CALB1: variants seen among roughly 807,000 people sequenced by gnomAD.
The protein encoded by CALB1 is calbindin 1, also known as calbindin.
In CALB1, 16 loss-of-function variants were observed where a neutral mutation model predicts 46.7. The ratio of observed to expected loss-of-function variants is 0.34; its 90% CI spans 0.23 to 0.52. CALB1 has a LOEUF of 0.52. CALB1 is among the 20% of genes least tolerant of loss of function. The probability of loss-of-function intolerance (pLI) is 0.95; values close to 1 mark genes in which losing one functional copy is unlikely to be tolerated. For missense variants in CALB1, 224 were observed against 300.3 expected (o/e 0.75, Z 1.88); for synonymous variants, 90 against 112.8 (o/e 0.80, Z 1.28).
chr8:90,059,465 T>A lies in CALB1; in HGVS notation c.*708A>T, dbSNP rs1382591730. On this transcript the variant is annotated 3_prime_UTR_variant, in exon 11 of 11. Coordinates refer to ENST00000265431, the MANE Select transcript of CALB1 (RefSeq NM_004929.4). ...AATAATTTGCAACACATGAAAACAGTTTAGAAAATGGATTTAGGTCATATT... is the reference window on the plus strand; with the variant it reads ...AATAATTTGCAACACATGAAAACAGATTAGAAAATGGATTTAGGTCATATT... 1 of 152,380 alleles carries A rather than the reference T, an allele frequency of 6.6e-6. No homozygotes were observed. Among genetic ancestry groups the A allele is most frequent in the African/African-American group, 2.4e-5 (1 of 41,380 alleles). The allele number at this position is 152,380 out of a possible 1,614,324, so 9.4% of individuals were successfully genotyped here.
At chr8:90,071,983 G>A (rs985924976) in intron 3 of CALB1, among the ~76,000 whole-genome samples, 2 of 152,096 alleles carry the variant, frequency 1.3e-5, no homozygotes, top group African/African-American at 4.8e-5. Context: ...TGAAATAAAT[G>A]CTTGCGGATT....
chr8:90,078,617 TATTAGTTCCAAA>T lies in CALB1; in HGVS notation c.157-182_157-171del, dbSNP rs565048961. Reference sequence around the variant, plus strand: ...AAAGGCATAACTGATACACAGTATTTATTAGTTCCAAATGAAAGAGTTGTAATCATGATTATT... The same window carrying T: ...AAAGGCATAACTGATACACAGTATTTTGAAAGAGTTGTAATCATGATTATT... On this transcript the variant is annotated intron_variant, in intron 2 of 10. Coordinates refer to ENST00000265431, the MANE Select transcript of CALB1 (RefSeq NM_004929.4). Among the ~76,000 whole-genome samples the T allele has an allele frequency of 1.3e-3, 194 of 152,168 alleles. 1 individual carries two copies. The highest frequency in any genetic ancestry group is 2.4e-3 in the Admixed American group (36 of 15,288).
At chr8:90,069,775 G>A (rs186350642) in intron 3 of CALB1, among the ~76,000 whole-genome samples, 28 of 152,212 alleles carry the variant, frequency 1.8e-4, no homozygotes, top group Admixed American at 7.8e-4. Flanking sequence ...AAAGACAATC[G>A]TAAGGCAATG....
chr8:90,065,504 A>G (rs1465506602), intron 6 of CALB1, among the ~76,000 whole-genome samples: 1 of 151,794 alleles, frequency 6.6e-6, no homozygotes, highest in Non-Finnish European at 1.5e-5. Context: ...CTATGATAAA[A>G]ATGGATTTAG....
At position 90,059,497 on chromosome 8, in the gene CALB1, C is replaced by CAGTA. The variant is rs988539487; in HGVS notation, c.*672_*675dup. The CAGTA allele has an allele frequency of 6.6e-6, 1 of 152,312 alleles. No individual in the cohort carries two copies. The highest frequency in any genetic ancestry group is 2.4e-5 in the African/African-American group (1 of 41,416). 9.4% of individuals were successfully genotyped at this position (152,312 alleles called of 1,614,324 possible). On this transcript the variant is annotated 3_prime_UTR_variant, in exon 11 of 11. Coordinates refer to ENST00000265431, the MANE Select transcript of CALB1 (RefSeq NM_004929.4). ...AATGGATTTAGGTCATATTCTCTGA[C>CAGTA]AGTAAGTTTGTTGGAAATACAGGCA...
intron 6 of CALB1, chr8:90,064,244 A>G (rs1814349962): frequency 6.6e-6 from 1 of 151,808 alleles, no homozygotes. Flanking sequence ...TAAGAAGGAA[A>G]GGAAGGGCAT....
At position 90,069,233 on chromosome 8, in the gene CALB1, G is replaced by A. The variant is rs974251139; in HGVS notation, c.236C>T (p.Ala79Val). Residue 79 changes from alanine to valine, a missense_variant, in exon 4 of 11, where the codon GCT (alanine) becomes GTT (valine). By Grantham distance (64) the Ala-to-Val change is moderately conservative. Coordinates refer to ENST00000265431, the MANE Select transcript of CALB1 (RefSeq NM_004929.4). ...DDGKIGIVEL[A>V]HVLPTEENFL... ...ATTCTCTTCTGTGGGTAATACGTGA[G>A]CCAACTGGAAAAGATTTAAGAAGAG... The A allele has an allele frequency of 2.5e-6, 4 of 1,612,646 alleles. No homozygotes were observed. Among genetic ancestry groups the A allele is most frequent in the African/African-American group, 2.7e-5 (2 of 74,866 alleles).
Position 90,068,234 on chromosome 8 carries a change from A to C in CALB1, c.372+764T>G, listed in dbSNP as rs566081842. ...CTGAGAGGAAGGATTTATTACACTC[A>C]TTTTAAAGATTAAAGAAAATTGGAA... On this transcript the variant is annotated intron_variant, in intron 5 of 10. Coordinates refer to ENST00000265431, the MANE Select transcript of CALB1 (RefSeq NM_004929.4). Among the ~76,000 whole-genome samples, 6 of 152,326 alleles carry C rather than the reference A, an allele frequency of 3.9e-5. No homozygotes were observed. The East Asian group carries it at 1.2e-3, about 29-fold the overall frequency.
intron 3 of CALB1, among the ~76,000 whole-genome samples, chr8:90,075,630 A>G (rs1275249613): frequency 6.6e-6 from 1 of 152,186 alleles, no homozygotes; most frequent in Non-Finnish European, 1.5e-5. Context: ...AGTAGAGAGC[A>G]AAATATAAGT....
chr8:90,081,631 G>T (rs1346793009), intron 2 of CALB1: 1 of 178,908 alleles, frequency 5.6e-6, no homozygotes, highest in Non-Finnish European at 1.1e-5. Flanking sequence ...ATCCGCTAAA[G>T]AATCTCATGC....
At chr8:90,065,162 A>G (rs1009434468) in intron 6 of CALB1, among the ~76,000 whole-genome samples, 4 of 151,792 alleles carry the variant, frequency 2.6e-5, no homozygotes, top group African/African-American at 9.7e-5. Context: ...CAAAATGAGC[A>G]AACTTCGTCC....
Position 90,059,288 on chromosome 8 carries a change from A to G in CALB1, c.*885T>C, listed in dbSNP as rs1025708251. On this transcript the variant is annotated 3_prime_UTR_variant, in exon 11 of 11. Transcript: ENST00000265431. ...AGAGTTGTTATAGCTAGAAAAAAAT[A>G]TTTTCAGAGGCAGCAGATACCCTTG... 2 of 152,578 alleles carry G rather than the reference A, an allele frequency of 1.3e-5. No individual in the cohort carries two copies. The highest frequency in any genetic ancestry group is 4.8e-5 in the African/African-American group (2 of 41,442). The allele number at this position is 152,578 out of a possible 1,614,324, so 9.5% of individuals were successfully genotyped here. A position where few individuals can be genotyped will look rare whatever the true frequency, so the allele number is the denominator to read the frequency against.
chr8:90,069,722 C>T (rs1377190419), intron 3 of CALB1, among the ~76,000 whole-genome samples: 1 of 152,018 alleles, frequency 6.6e-6, no homozygotes, highest in East Asian at 1.9e-4. Flanking sequence ...TATTCCCAAG[C>T]CCGAGGAGAA....
Position 90,060,206 on chromosome 8 carries a change from A to T in CALB1, c.753T>A (p.Asp251Glu). 1 of 1,613,676 alleles carries T rather than the reference A, an allele frequency of 6.2e-7. No homozygotes were observed. The highest frequency in any genetic ancestry group is 2.2e-5 in the East Asian group (1 of 44,852). The change falls in exon 11 of 11, where the codon GAT (aspartate) becomes GAA (glutamate). Residue 251 changes from aspartate to glutamate, a missense_variant. Transcript: ENST00000265431. ...LSDGGKLYRT[D>E]LALILCAGDN is the part of the protein sequence containing the mutation. ...CCCCAGCACAGAGAATAAGAGCAAG[A>T]TCCGTTCGGTACAGCTTCCCTCCAT...
At chr8:90,081,885 G>GT in intron 2 of CALB1, 141 bp downstream of exon 2, 2 of 575,224 alleles carry the variant, frequency 3.5e-6, no homozygotes, top group East Asian at 3.5e-5. Context: ...TTGGAAAAGT[G>GT]TTTTTTCTTG....
intron 5 of CALB1, among the ~76,000 whole-genome samples, chr8:90,067,908 T>C (rs1472473005): frequency 2.6e-5 from 4 of 152,216 alleles, no homozygotes; most frequent in African/African-American, 9.6e-5. Context: ...TGATAATACC[T>C]GCCTTGCATA....
At chr8:90,070,865 T>TGA (rs1814502273) in intron 3 of CALB1, among the ~76,000 whole-genome samples, 1 of 94,150 alleles carries the variant, frequency 1.1e-5, no homozygotes, top group African/African-American at 3.1e-5. Context: ...TGTGTGTGTG[T>TGA]GTGTGTGTGT....
intron 6 of CALB1, among the ~76,000 whole-genome samples, chr8:90,065,662 C>T (rs1299292451): frequency 6.6e-6 from 1 of 151,746 alleles, no homozygotes; most frequent in Non-Finnish European, 1.5e-5. Flanking sequence ...AATTACACAG[C>T]TCTACAAGGA....
Position 90,082,788 on chromosome 8 carries a change from G to A in CALB1, c.-91C>T. 7.7e-7 allele frequency: 1 copy of A among 1,293,602 alleles called. No homozygotes were observed. The highest frequency in any genetic ancestry group is 1.7e-5 in the Admixed American group (1 of 59,378). The allele number at this position is 1,293,602 out of a possible 1,614,324, so 80.1% of individuals were successfully genotyped here. ...GAGCAAAAGCTCAGCGTGTGCGCGA[G>A]TCAGGGCTGCGGAGGGAGACCTGGG... On this transcript the variant is annotated 5_prime_UTR_variant, in exon 1 of 11. Coordinates refer to ENST00000265431, the MANE Select transcript of CALB1 (RefSeq NM_004929.4).
Sources: gnomAD v4.1 joint callset for allele counts (sites outside exome capture counted in the v4.1 genomes callset) on GRCh38, gnomAD v4.1.1 for gene constraint, MANE v1.5 for transcripts, NCBI Gene and HGNC (gene_info 2026-07-23, HGNC 2026-07-21) for gene names.